Variants in THSD7A observed in about 807,000 individuals in gnomAD.
THSD7A encodes thrombospondin type-1 domain-containing protein 7A.
Under a neutral mutation model 231.3 loss-of-function variants are expected in THSD7A, and 96 were observed. The ratio of observed to expected loss-of-function variants is 0.41; its 90% CI spans 0.35 to 0.49. THSD7A has a LOEUF of 0.49. THSD7A is among the 20% of genes least tolerant of loss of function. The pLI, the probability that THSD7A is intolerant of heterozygous loss-of-function variation, is 0.05. For synonymous variants in THSD7A, 940 were observed against 743.3 expected (o/e 1.26, Z -4.30); for missense variants, 2,290 against 2,070.2 (o/e 1.11, Z -2.06).
intron 2 of THSD7A, among the ~76,000 whole-genome samples, chr7:11,615,215 T>C (rs955102998): frequency 6.6e-6 from 1 of 152,176 alleles, no homozygotes; most frequent in African/African-American, 2.4e-5. Context: ...CACAACTGTA[T>C]GCAACCAAGG....
intron 16 of THSD7A, among the ~76,000 whole-genome samples, chr7:11,420,980 T>C (rs1363333233): frequency 1.3e-5 from 2 of 152,196 alleles, no homozygotes; most frequent in African/African-American, 4.8e-5. Context: ...ATGGGAGAAT[T>C]GTATCTTGGA....
intron 1 of THSD7A, among the ~76,000 whole-genome samples, chr7:11,756,427 A>G (rs1583262391): frequency 6.6e-6 from 1 of 152,044 alleles, no homozygotes; most frequent in Non-Finnish European, 1.5e-5. Context: ...TTGGGGAGTA[A>G]CTGAAATATC....
At chr7:11,735,247 G>A (rs893769797) in intron 1 of THSD7A, among the ~76,000 whole-genome samples, 2 of 151,696 alleles carry the variant, frequency 1.3e-5, no homozygotes, top group African/African-American at 2.4e-5. Flanking sequence ...GGTGTTCTAT[G>A]GTGTTATAGT....
intron 4 of THSD7A, among the ~76,000 whole-genome samples, chr7:11,555,184 T>A (rs4443557): frequency 0.17 from 26,326 of 151,814 alleles, 2,292 homozygotes; most frequent in Admixed American, 0.2. Context: ...ATGGGAGCTT[T>A]GATTATTGAT....
chr7:11,541,344 G>A (rs1292164532), intron 6 of THSD7A, 75 bp downstream of exon 6: 1 of 1,412,000 alleles, frequency 7.1e-7, no homozygotes, highest in South Asian at 1.2e-5. Flanking sequence ...AGAAGACACA[G>A]GATTTTAACA....
At chr7:11,708,953 T>C (rs1414138546) in intron 1 of THSD7A, among the ~76,000 whole-genome samples, 4 of 150,706 alleles carry the variant, frequency 2.7e-5, no homozygotes, top group African/African-American at 7.3e-5. Context: ...ATACGGTCAA[T>C]GCCACAGGAG....
chr7:11,826,219 T>G (rs1053336670), intron 1 of THSD7A, among the ~76,000 whole-genome samples: 11 of 152,176 alleles, frequency 7.2e-5, no homozygotes, highest in African/African-American at 1.7e-4. Context: ...TTAATGTGAG[T>G]ATTCTCCTTG....
At chr7:11,408,503 T>TA (rs11372558) in intron 19 of THSD7A, among the ~76,000 whole-genome samples, 55,471 of 135,138 alleles carry the variant, frequency 0.41, 10,606 homozygotes, top group African/African-American at 0.5. Context: ...GTCTCCAAAA[T>TA]AAAAAAAAAA....
chr7:11,459,419 A>G (rs1437212117), intron 11 of THSD7A, among the ~76,000 whole-genome samples: 2 of 152,222 alleles, frequency 1.3e-5, no homozygotes, highest in East Asian at 3.9e-4. Flanking sequence ...ATATCACTCA[A>G]TTTCTTAAAG....
At chr7:11,596,309 C>T (rs925974246) in intron 2 of THSD7A, among the ~76,000 whole-genome samples, 2 of 152,108 alleles carry the variant, frequency 1.3e-5, no homozygotes, top group African/African-American at 4.8e-5. Context: ...ACATTGATTC[C>T]AGGGGACCCA....
chr7:11,435,961 A>G (rs1340971350), intron 13 of THSD7A, among the ~76,000 whole-genome samples: 1 of 151,984 alleles, frequency 6.6e-6, no homozygotes, highest in Non-Finnish European at 1.5e-5. Flanking sequence ...ATTATATTGC[A>G]CTTTCAAATA....
At position 11,373,655 on chromosome 7, in the gene THSD7A, C is replaced by CAAAT. The variant is rs1263873138; in HGVS notation, c.*2135_*2138dup. 1 of 151,916 alleles carries CAAAT rather than the reference C, an allele frequency of 6.6e-6. No homozygotes were observed. The highest frequency in any genetic ancestry group is 1.5e-5 in the Non-Finnish European group (1 of 67,952). The allele number at this position is 151,916 out of a possible 1,614,324, so 9.4% of individuals were successfully genotyped here. On this transcript the variant is annotated 3_prime_UTR_variant, in exon 28 of 28. Transcript: ENST00000423059. ...CATTTAGTTCTTATTGAAATACATA[C>CAAAT]AAATATTTTCATTTTGGGGACAATG...
chr7:11,741,230 T>A (rs1205568173), intron 1 of THSD7A, among the ~76,000 whole-genome samples: 2 of 151,974 alleles, frequency 1.3e-5, no homozygotes, highest in Admixed American at 1.3e-4. Flanking sequence ...TTTCACTATA[T>A]TAGAGTACTT....
At chr7:11,761,471 T>C (rs1369308948) in intron 1 of THSD7A, among the ~76,000 whole-genome samples, 4 of 152,112 alleles carry the variant, frequency 2.6e-5, no homozygotes, top group Non-Finnish European at 5.9e-5. Flanking sequence ...GGGCATCATT[T>C]CATTATATGT....
At chr7:11,567,090 C>T (rs1790374744) in intron 4 of THSD7A, among the ~76,000 whole-genome samples, 2 of 151,786 alleles carry the variant, frequency 1.3e-5, no homozygotes, top group South Asian at 4.2e-4. Context: ...AGCTAATAAT[C>T]CTTTAGGGCC....
At chr7:11,691,016 G>T (rs1189600620) in intron 1 of THSD7A, among the ~76,000 whole-genome samples, 1 of 151,468 alleles carries the variant, frequency 6.6e-6, no homozygotes, top group East Asian at 2.0e-4. Flanking sequence ...TCATATTTTT[G>T]GAAGAAATAT....
intron 2 of THSD7A, among the ~76,000 whole-genome samples, chr7:11,617,883 T>G (rs896175338): frequency 3.9e-5 from 6 of 152,122 alleles, no homozygotes; most frequent in African/African-American, 1.4e-4. Context: ...ATATACCTAA[T>G]GTAAATGACA....
intron 1 of THSD7A, among the ~76,000 whole-genome samples, chr7:11,687,541 T>C (rs1169286461): frequency 6.6e-6 from 1 of 151,938 alleles, no homozygotes; most frequent in Non-Finnish European, 1.5e-5. Flanking sequence ...AAAAACATCT[T>C]GCTTTTATCA....
intron 1 of THSD7A, among the ~76,000 whole-genome samples, chr7:11,667,713 T>C (rs969102706): frequency 1.3e-5 from 2 of 152,160 alleles, no homozygotes; most frequent in Admixed American, 1.3e-4. Context: ...TGCATCTATA[T>C]ATAAATGTAT....
Sources: allele counts gnomAD v4.1 joint callset (sites outside exome capture counted in the v4.1 genomes callset), GRCh38; gene constraint gnomAD v4.1.1; transcripts MANE v1.5; gene names NCBI Gene and HGNC (gene_info 2026-07-23, HGNC 2026-07-21).